Variants in FOXN3 observed in about 807,000 individuals in gnomAD.
FOXN3 encodes the protein forkhead box protein N3.
Under a neutral mutation model 38.4 loss-of-function variants are expected in FOXN3, and 7 were observed. That is an observed-to-expected ratio of 0.18 (90% confidence interval 0.10 to 0.34). FOXN3 has a LOEUF of 0.34. FOXN3 is among the 10% of genes least tolerant of loss of function. FOXN3 has a pLI of 1.00. For missense variants in FOXN3, 456 were observed against 613.4 expected, an observed-to-expected ratio of 0.74 and a Z score of 2.71; for synonymous variants, 230 against 242.2, an observed-to-expected ratio of 0.95 and a Z score of 0.47.
intron 5 of FOXN3, 39 bp downstream of exon 5, chr14:89,180,662 C>A (rs372417165): frequency 6.8e-7 from 1 of 1,473,534 alleles, no homozygotes; most frequent in East Asian, 2.4e-5. Context: ...GCCCTTCCCA[C>A]TCCCCAGGCT....
intron 1 of FOXN3, among the ~76,000 whole-genome samples, chr14:89,439,321 T>C (rs1012016031): frequency 6.6e-6 from 1 of 152,092 alleles, no homozygotes; most frequent in Non-Finnish European, 1.5e-5. Flanking sequence ...GTTAAGGCAT[T>C]CTAAGTCTCA....
intron 1 of FOXN3, among the ~76,000 whole-genome samples, chr14:89,562,904 T>C (rs1041005960): frequency 1.3e-5 from 2 of 152,222 alleles, no homozygotes; most frequent in Non-Finnish European, 2.9e-5. Context: ...AGAGAGTTTA[T>C]TTCTATTCAT....
At chr14:89,502,016 A>G (rs1010870392) in intron 1 of FOXN3, among the ~76,000 whole-genome samples, 3 of 151,908 alleles carry the variant, frequency 2.0e-5, no homozygotes, top group Non-Finnish European at 4.4e-5. Context: ...AAATTAAAAA[A>G]AATTAGCCAG....
intron 1 of FOXN3, among the ~76,000 whole-genome samples, chr14:89,549,888 G>A (rs1400929752): frequency 1.9e-4 from 29 of 152,190 alleles, no homozygotes; most frequent in Non-Finnish European, 2.9e-5. Flanking sequence ...GGAATGCAAG[G>A]ATGGGAGTTT....
chr14:89,370,668 C>A (rs1038650222), intron 2 of FOXN3, among the ~76,000 whole-genome samples: 1 of 152,182 alleles, frequency 6.6e-6, no homozygotes, highest in Non-Finnish European at 1.5e-5. Flanking sequence ...TGGTTTGATG[C>A]GCATGTTCCA....
At chr14:89,252,298 T>C (rs565005132) in intron 4 of FOXN3, among the ~76,000 whole-genome samples, 13 of 152,304 alleles carry the variant, frequency 8.5e-5, no homozygotes, top group South Asian at 4.1e-4. Flanking sequence ...GGTACACAGA[T>C]GGGTTTTTCG....
intron 1 of FOXN3, among the ~76,000 whole-genome samples, chr14:89,549,331 A>G (rs1894952969): frequency 6.6e-6 from 1 of 152,042 alleles, no homozygotes; most frequent in Non-Finnish European, 1.5e-5. Flanking sequence ...CATGGAATTG[A>G]AGAATCTGTT....
chr14:89,177,464 A>G (rs1011239115), intron 5 of FOXN3, among the ~76,000 whole-genome samples: 2 of 151,976 alleles, frequency 1.3e-5, no homozygotes, highest in African/African-American at 4.8e-5. Context: ...TAGTGGACAG[A>G]GATGAAGCAA....
At chr14:89,285,311 G>C (rs780353645) in intron 3 of FOXN3, among the ~76,000 whole-genome samples, 67 of 152,256 alleles carry the variant, frequency 4.4e-4, no homozygotes, top group Admixed American at 8.5e-4. Context: ...ACAAGGTCAG[G>C]AGTTCGAGAC....
intron 2 of FOXN3, among the ~76,000 whole-genome samples, chr14:89,363,964 A>ATATATATATATG: frequency 3.7e-5 from 1 of 26,786 alleles, no homozygotes; most frequent in South Asian, 6.4e-4. Context: ...ATATATATAT[A>ATATATATATATG]TATATATATA....
chr14:89,603,604 G>T (rs1008549478), intron 1 of FOXN3, among the ~76,000 whole-genome samples: 6 of 152,174 alleles, frequency 3.9e-5, no homozygotes, highest in Non-Finnish European at 8.8e-5. Context: ...CAGGATGTAA[G>T]TTTCTTTTCT....
intron 4 of FOXN3, among the ~76,000 whole-genome samples, chr14:89,280,727 A>G (rs538060225): frequency 6.6e-6 from 1 of 152,182 alleles, no homozygotes; most frequent in African/African-American, 2.4e-5. Flanking sequence ...CAGTCCTTAG[A>G]GGCCTGGTTT....
rs566312671 is a variant in FOXN3, at chr14:89,191,948, G to GTATATATATATATATATATATATATA, written c.746-11143_746-11142insTATATATATATATATATATATATATA. Among the ~76,000 whole-genome samples the GTATATATATATATATATATATATATA allele has an allele frequency of 1.1e-3, 131 of 117,834 alleles. 1 individual carries two copies. Among genetic ancestry groups the GTATATATATATATATATATATATATA allele is most frequent in the African/African-American group, 5.8e-3 (124 of 21,372 alleles). The allele number at this position is 117,834 out of a possible 152,430, so 77.3% of individuals were successfully genotyped here. A position where few individuals can be genotyped will look rare whatever the true frequency, so the allele number is the denominator to read the frequency against. On this transcript the variant is annotated intron_variant, in intron 4 of 5. Transcript: ENST00000557258. ...CAGTCACCATTTCCCACTGATATTA[G>GTATATATATATATATATATATATATA]TATATATATATATACACATATATAT...
At chr14:89,492,410 G>A (rs568018450) in intron 1 of FOXN3, among the ~76,000 whole-genome samples, 3 of 146,518 alleles carry the variant, frequency 2.0e-5, no homozygotes, top group Non-Finnish European at 3.0e-5. Flanking sequence ...AGAGCAGCTC[G>A]TCCTCTGAGA....
intron 1 of FOXN3, among the ~76,000 whole-genome samples, chr14:89,587,285 A>G (rs1043014390): frequency 3.3e-5 from 5 of 152,250 alleles, no homozygotes; most frequent in Non-Finnish European, 7.3e-5. Flanking sequence ...AATCTCTTCT[A>G]GAAAATCCCT....
At chr14:89,173,428 T>C (rs925017800) in intron 5 of FOXN3, among the ~76,000 whole-genome samples, 5 of 152,228 alleles carry the variant, frequency 3.3e-5, no homozygotes, top group African/African-American at 1.2e-4. Flanking sequence ...AGCATGTACA[T>C]ACCCTATAAA....
At chr14:89,226,514 G>A (rs1048486555) in intron 4 of FOXN3, among the ~76,000 whole-genome samples, 2 of 152,234 alleles carry the variant, frequency 1.3e-5, no homozygotes, top group South Asian at 2.1e-4. Flanking sequence ...GGCCTCAAGC[G>A]ATTATAGGCA....
chr14:89,569,804 A>T (rs1895452829), intron 1 of FOXN3, among the ~76,000 whole-genome samples: 1 of 152,110 alleles, frequency 6.6e-6, no homozygotes, highest in Non-Finnish European at 1.5e-5. Flanking sequence ...ATCATACCTG[A>T]TGGGGAGCCA....
At chr14:89,253,807 G>A (rs532255224) in intron 4 of FOXN3, among the ~76,000 whole-genome samples, 3 of 152,116 alleles carry the variant, frequency 2.0e-5, no homozygotes, top group South Asian at 4.2e-4. Flanking sequence ...AATCCCCCAG[G>A]ACTTTCCAAT....
Sources: gnomAD v4.1 joint callset for allele counts (sites outside exome capture counted in the v4.1 genomes callset) on GRCh38, gnomAD v4.1.1 for gene constraint, MANE v1.5 for transcripts, NCBI Gene and HGNC (gene_info 2026-07-23, HGNC 2026-07-21) for gene names.